AAK1: variants seen among roughly 807,000 people sequenced by gnomAD.
The protein encoded by AAK1 is AP2-associated protein kinase 1.
Under a neutral mutation model 116.0 loss-of-function variants are expected in AAK1, and 37 were observed. The ratio of observed to expected loss-of-function variants is 0.32; its 90% CI spans 0.25 to 0.42. The LOEUF is 0.42. Ranked by LOEUF, AAK1 falls within the 10% of genes least tolerant of loss-of-function variation. The pLI, the probability that AAK1 is intolerant of heterozygous loss-of-function variation, is 1.00. For synonymous variants in AAK1, 458 were observed against 439.9 expected, an observed-to-expected ratio of 1.04 and a Z score of -0.51; for missense variants, 919 against 1,170.6, an observed-to-expected ratio of 0.79 and a Z score of 3.14.
intron 4 of AAK1, 83 bp from the exon 5 acceptor site, chr2:69,542,748 A>G: frequency 2.0e-6 from 3 of 1,497,902 alleles, no homozygotes; most frequent in East Asian, 4.6e-5. Context: ...CGGCGTCCAA[A>G]GAGAAGCAGT....
rs1254473090 is a variant in AAK1 at position 69,459,823 on chromosome 2, T to C, written c.*16046A>G. 2.0e-5 allele frequency: 3 copies of C among 151,944 alleles called. No individual in the cohort carries two copies. Among genetic ancestry groups the C allele is most frequent in the Non-Finnish European group, 4.4e-5 (3 of 68,018 alleles). 9.4% of individuals were successfully genotyped at this position (151,944 alleles called of 1,614,324 possible). A position where few individuals can be genotyped will look rare whatever the true frequency, so the allele number is the denominator to read the frequency against. ...AACCACATACTACTTTTCAAGCATT[T>C]TGAAACTCTTCTTTTCCTTTAGTGA... On this transcript the variant is annotated 3_prime_UTR_variant, in exon 22 of 22. Coordinates refer to ENST00000409085, the MANE Select transcript of AAK1 (RefSeq NM_014911.5).
chr2:69,481,719 A>G (rs1023691429), intron 18 of AAK1: 6 of 152,282 alleles, frequency 3.9e-5, no homozygotes, highest in African/African-American at 1.2e-4. Flanking sequence ...AAGCAGACCA[A>G]GCCCCTGCCC....
intron 12 of AAK1, among the ~76,000 whole-genome samples, chr2:69,518,465 G>A (rs1201664647): frequency 6.7e-6 from 1 of 149,914 alleles, no homozygotes; most frequent in Non-Finnish European, 1.5e-5. Context: ...TGTTGCCCAG[G>A]CTGGAGTGCA....
intron 2 of AAK1, among the ~76,000 whole-genome samples, chr2:69,610,047 T>C (rs1674006434): frequency 8.6e-6 from 1 of 115,642 alleles, no homozygotes; most frequent in Admixed American, 1.1e-4. Context: ...TGAGACTCTG[T>C]CTCAAAAAAA....
Position 69,505,581 on chromosome 2 carries a change from A to C in AAK1, c.2257T>G (p.Ser753Ala), listed in dbSNP as rs771483266. ...QGDAFATTSF[S>A]AGTAEKRKGG... ...TTGCCATACTAACCAGTTCCAGCAG[A>C]AAATGAGGTCGTAGCAAAAGCATCA... The change falls in exon 16 of 22, where the codon TCT (serine) becomes GCT (alanine). Residue 753 changes from serine to alanine, a missense_variant. Coordinates refer to ENST00000409085, the MANE Select transcript of AAK1 (RefSeq NM_014911.5). 3.7e-6 allele frequency: 6 copies of C among 1,613,540 alleles called. No homozygotes were observed. The highest frequency in any genetic ancestry group is 1.6e-4 in the Middle Eastern group (1 of 6,082).
chr2:69,470,544 T>C lies in AAK1; in HGVS notation c.*5325A>G. The C allele has an allele frequency of 9.1e-6, 9 of 985,466 alleles. No individual in the cohort carries two copies. Among genetic ancestry groups the C allele is most frequent in the Non-Finnish European group, 1.1e-5 (9 of 829,928 alleles). The allele number at this position is 985,466 out of a possible 1,614,324, so 61.0% of individuals were successfully genotyped here. A position where few individuals can be genotyped will look rare whatever the true frequency, so the allele number is the denominator to read the frequency against. On this transcript the variant is annotated 3_prime_UTR_variant, in exon 22 of 22. Coordinates refer to ENST00000409085, the MANE Select transcript of AAK1 (RefSeq NM_014911.5). ...CTCTCAGGCCAATGAGGCAATTAAA[T>C]GAGTGAGTTTTCTCACTGGGGATAA...
chr2:69,615,763 T>A (rs143151407), intron 2 of AAK1, among the ~76,000 whole-genome samples: 30 of 152,344 alleles, frequency 2.0e-4, no homozygotes, highest in Non-Finnish European at 3.8e-4. Context: ...GGGAGTTCAA[T>A]GTCTGCCTTC....
rs1674416777 is a variant in AAK1, at chr2:69,464,233, C to A, written c.*11636G>T. On this transcript the variant is annotated 3_prime_UTR_variant, in exon 22 of 22. Transcript: ENST00000409085. ...ACAACAACAACAACAACAAAACCACCCCAAAACAAGCAAGCCTAGTTTGTA... is the reference window on the plus strand; with the variant it reads ...ACAACAACAACAACAACAAAACCACACCAAAACAAGCAAGCCTAGTTTGTA... 6.7e-6 allele frequency: 1 copy of A among 150,000 alleles called. No homozygotes were observed. Among genetic ancestry groups the A allele is most frequent in the Admixed American group, 6.6e-5 (1 of 15,200 alleles). 9.3% of individuals were successfully genotyped at this position (150,000 alleles called of 1,614,324 possible). A position where few individuals can be genotyped will look rare whatever the true frequency, so the allele number is the denominator to read the frequency against.
At chr2:69,641,119 A>G (rs1675703726) in intron 2 of AAK1, among the ~76,000 whole-genome samples, 1 of 152,178 alleles carries the variant, frequency 6.6e-6, no homozygotes, top group Non-Finnish European at 1.5e-5. Context: ...ACAAAGACCA[A>G]TTTTGCCTTT....
chr2:69,561,318 C>T (rs1241447182), intron 2 of AAK1, among the ~76,000 whole-genome samples: 1 of 152,200 alleles, frequency 6.6e-6, no homozygotes, highest in Non-Finnish European at 1.5e-5. Flanking sequence ...TTAGCTCAGA[C>T]ATTCATCACC....
At chr2:69,606,777 G>A (rs1673815093) in intron 2 of AAK1, among the ~76,000 whole-genome samples, 1 of 152,126 alleles carries the variant, frequency 6.6e-6, no homozygotes, top group Non-Finnish European at 1.5e-5. Flanking sequence ...TTAAAAAGTA[G>A]GTTAGAGGCT....
At chr2:69,611,562 A>G (rs570851309) in intron 2 of AAK1, among the ~76,000 whole-genome samples, 55 of 152,286 alleles carry the variant, frequency 3.6e-4, no homozygotes, top group African/African-American at 1.2e-3. Context: ...TTGCCTTGTA[A>G]TTTTATGAGC....
Position 69,472,551 on chromosome 2 carries a change from T to G in AAK1, c.*3318A>C, listed in dbSNP as rs1405394094. ...AATTCTGATATGTCTGCTAAAGAAA[T>G]CATTAATTATAATAATTATAATCAT... On this transcript the variant is annotated 3_prime_UTR_variant, in exon 22 of 22. Transcript: ENST00000409085. The G allele has an allele frequency of 4.5e-5, 41 of 911,422 alleles. No homozygotes were observed. The highest frequency in any genetic ancestry group is 5.4e-5 in the Non-Finnish European group (41 of 762,552). The allele number at this position is 911,422 out of a possible 1,614,324, so 56.5% of individuals were successfully genotyped here.
In AAK1 at chr2:69,584,495, T is replaced by C. The variant is rs555394444; in HGVS notation, c.164-27517A>G. ...TTCAGTTTTGAATAGTCCAGACTTGTAGGGGTAACTTTTTCTCTTGGTGCC... is the reference window on the plus strand; with the variant it reads ...TTCAGTTTTGAATAGTCCAGACTTGCAGGGGTAACTTTTTCTCTTGGTGCC... On this transcript the variant is annotated intron_variant, in intron 2 of 21. Transcript: ENST00000409085. 9.8e-5 allele frequency among the ~76,000 whole-genome samples: 15 copies of C among 152,322 alleles called. No individual in the cohort carries two copies. The East Asian group carries it at 2.5e-3, about 26-fold the overall frequency.
At chr2:69,624,879 C>T (rs757678468) in intron 2 of AAK1, among the ~76,000 whole-genome samples, 1 of 152,114 alleles carries the variant, frequency 6.6e-6, no homozygotes. Context: ...CAATGCCTTA[C>T]ATTGAATGTG....
At chr2:69,611,515 T>C (rs1674079681) in intron 2 of AAK1, among the ~76,000 whole-genome samples, 1 of 152,230 alleles carries the variant, frequency 6.6e-6, no homozygotes, top group South Asian at 2.1e-4. Flanking sequence ...TAATGGCTTC[T>C]CTCTCCCCGA....
At chr2:69,537,243 A>G (rs1460430342) in intron 5 of AAK1, among the ~76,000 whole-genome samples, 1 of 152,258 alleles carries the variant, frequency 6.6e-6, no homozygotes, top group Non-Finnish European at 1.5e-5. Flanking sequence ...GAAAATGATT[A>G]AAGTGTTAAA....
chr2:69,598,240 C>A, intron 2 of AAK1: 1 of 525,534 alleles, frequency 1.9e-6, no homozygotes, highest in Non-Finnish European at 3.0e-6. Context: ...TAAACTGAAA[C>A]CAGAGAAGTT....
At chr2:69,591,517 C>CTTTTTTTTTTTT (rs200675453) in intron 2 of AAK1, among the ~76,000 whole-genome samples, 2 of 135,062 alleles carry the variant, frequency 1.5e-5, no homozygotes, top group Admixed American at 8.2e-5. Flanking sequence ...TTCTTTTTTT[C>CTTTTTTTTTTTT]TTTTTCTTTT....
Sources: gnomAD v4.1 joint callset for allele counts (sites outside exome capture counted in the v4.1 genomes callset) on GRCh38, gnomAD v4.1.1 for gene constraint, MANE v1.5 for transcripts, NCBI Gene and HGNC (gene_info 2026-07-23, HGNC 2026-07-21) for gene names.